SVIL: variants seen among roughly 807,000 people sequenced by gnomAD.
SVIL encodes archvillin.
Under a neutral mutation model 240.4 loss-of-function variants are expected in SVIL, and 101 were observed. The observed-to-expected ratio is 0.42, with a 90% CI of 0.36 to 0.50. The LOEUF (loss-of-function observed/expected upper bound fraction) is 0.50, where lower values mean the gene tolerates loss of function less well. Among genes scored for constraint, SVIL ranks in the 20% least tolerant of loss-of-function variants. The pLI, the probability that SVIL is intolerant of heterozygous loss-of-function variation, is 0.01. For synonymous variants in SVIL, 999 were observed against 1,100.0 expected (o/e 0.91, Z 1.82); for missense variants, 2,512 against 2,818.7 (o/e 0.89, Z 2.46).
intron 3 of SVIL, among the ~76,000 whole-genome samples, chr10:29,652,311 C>A (rs962329409): frequency 2.6e-5 from 4 of 152,128 alleles, no homozygotes; most frequent in African/African-American, 9.7e-5. Context: ...AGTTTGTGTT[C>A]TTTGGTGTCT....
Position 29,530,591 on chromosome 10 carries a change from C to G in SVIL, c.2106+16G>C. Reference sequence around the variant, plus strand: ...CCCAGTAGGGATCTCTATTCAAGCACGTCAGCACAGCTTACCCTGAAAAGC... The same window carrying G: ...CCCAGTAGGGATCTCTATTCAAGCAGGTCAGCACAGCTTACCCTGAAAAGC... On this transcript the variant is annotated intron_variant, in intron 11 of 37. Coordinates refer to ENST00000355867, the MANE Select transcript of SVIL (RefSeq NM_021738.3). The G allele has an allele frequency of 6.2e-7, 1 of 1,614,002 alleles. No individual in the cohort carries two copies. The highest frequency in any genetic ancestry group is 1.1e-5 in the South Asian group (1 of 91,082).
At chr10:29,558,569 C>T (rs1481574979) in intron 3 of SVIL, among the ~76,000 whole-genome samples, 1 of 151,878 alleles carries the variant, frequency 6.6e-6, no homozygotes, top group East Asian at 1.9e-4. Context: ...CTCTTTTCCC[C>T]ATGTCTGTAC....
chr10:29,656,463 T>C (rs1223841019), intron 3 of SVIL, among the ~76,000 whole-genome samples: 1 of 151,968 alleles, frequency 6.6e-6, no homozygotes, highest in South Asian at 2.1e-4. Flanking sequence ...ATAGCTTTTT[T>C]TTTTAAAAAA....
intron 1 of SVIL, among the ~76,000 whole-genome samples, chr10:29,605,781 T>C (rs1956998721): frequency 6.6e-6 from 1 of 150,494 alleles, no homozygotes; most frequent in African/African-American, 2.4e-5. Context: ...TGTGTGTTTG[T>C]GTAGAGAGAG....
intron 1 of SVIL, among the ~76,000 whole-genome samples, chr10:29,694,817 T>C (rs1188307955): frequency 6.6e-6 from 1 of 152,104 alleles, no homozygotes; most frequent in African/African-American, 2.4e-5. Flanking sequence ...AACTTGGAAT[T>C]TATAGGAAAG....
At position 29,723,185 on chromosome 10, in the gene SVIL, T is replaced by C. The variant is rs1589580865; in HGVS notation, c.-400+12566A>G. Among the ~76,000 whole-genome samples, 2 of 152,270 alleles carry C rather than the reference T, an allele frequency of 1.3e-5. 1 individual carries two copies. The highest frequency in any genetic ancestry group is 2.9e-5 in the Non-Finnish European group (2 of 68,030). On this transcript the variant is annotated intron_variant, in intron 1 of 35. Coordinates refer to the SVIL transcript ENST00000375400. ...AGGAATTTGAGACCAGCCTGAGCAA[T>C]ATAGTGAGACCTTGTCTCTTCAAAA...
At chr10:29,630,334 A>G (rs1258104977) in intron 1 of SVIL, among the ~76,000 whole-genome samples, 1 of 152,200 alleles carries the variant, frequency 6.6e-6, no homozygotes, top group Non-Finnish European at 1.5e-5. Flanking sequence ...CCAGTTAGAC[A>G]TAGGTTATAA....
intron 2 of SVIL, among the ~76,000 whole-genome samples, chr10:29,673,680 CG>C (rs1564752074): frequency 6.6e-6 from 1 of 152,036 alleles, no homozygotes. Context: ...CTCACTATCA[CG>C]AGAACAGCAT....
chr10:29,514,102 G>C (rs1310236451), intron 16 of SVIL, among the ~76,000 whole-genome samples: 1 of 152,032 alleles, frequency 6.6e-6, no homozygotes, highest in Non-Finnish European at 1.5e-5. Context: ...GACCTGATGG[G>C]CCAGGTCTTA....
chr10:29,622,236 T>C (rs1452389731), intron 1 of SVIL, among the ~76,000 whole-genome samples: 3 of 102,134 alleles, frequency 2.9e-5, no homozygotes, highest in African/African-American at 4.0e-5. Context: ...GGCGACAGAG[T>C]GAGACTCCGT....
chr10:29,505,393 T>C (rs1224832215), intron 17 of SVIL, among the ~76,000 whole-genome samples: 1 of 152,066 alleles, frequency 6.6e-6, no homozygotes, highest in Non-Finnish European at 1.5e-5. Context: ...AGAGGAATCG[T>C]AAATGCATAT....
chr10:29,618,729 T>C (rs1774385130), intron 1 of SVIL, among the ~76,000 whole-genome samples: 1 of 152,166 alleles, frequency 6.6e-6, no homozygotes, highest in Admixed American at 6.5e-5. Context: ...CAGATTTTTT[T>C]TTTTTTTTGA....
intron 6 of SVIL, among the ~76,000 whole-genome samples, chr10:29,538,972 G>C (rs970827244): frequency 8.5e-5 from 13 of 152,072 alleles, no homozygotes; most frequent in Middle Eastern, 3.2e-3. Context: ...GAGCCAGCCT[G>C]AGCAACATAG....
chr10:29,730,242 C>T (rs1964542209), intron 1 of SVIL, among the ~76,000 whole-genome samples: 1 of 152,108 alleles, frequency 6.6e-6, no homozygotes, highest in Non-Finnish European at 1.5e-5. Context: ...AAGAAATGTA[C>T]TAAGGAAGGG....
At chr10:29,463,690 A>G in intron 34 of SVIL, 55 bp from the exon 35 acceptor site, 1 of 1,589,064 alleles carries the variant, frequency 6.3e-7, no homozygotes, top group East Asian at 2.2e-5. Context: ...GGACACTTCT[A>G]GCTCACTCCT....
chr10:29,676,559 C>A (rs1303515376), intron 2 of SVIL, among the ~76,000 whole-genome samples: 1 of 152,148 alleles, frequency 6.6e-6, no homozygotes, highest in African/African-American at 2.4e-5. Context: ...CAGAGGTTTG[C>A]AGAGATTTCC....
At position 29,554,911 on chromosome 10, in the gene SVIL, A is replaced by C; in HGVS notation, c.32T>G (p.Leu11Arg). The change falls in exon 5 of 38, where the codon CTG becomes CGG. Residue 11 changes from leucine (L) to arginine (R), a missense_variant. Physicochemically the swap from Leu to Arg is moderately radical, Grantham distance 102. Around this residue, in one of 3 missense-constraint regions of SVIL, gnomAD observed 1,443 missense variants for 1,486.6 expected, o/e 0.97. Coordinates refer to ENST00000355867, the MANE Select transcript of SVIL (RefSeq NM_021738.3). ...CTGAGTGTCATTTTCAATCCCTTCCAGGCGCCTGGCAATTCTTTCTTTTCT... is the reference window on the plus strand; with the variant it reads ...CTGAGTGTCATTTTCAATCCCTTCCCGGCGCCTGGCAATTCTTTCTTTTCT... Reference protein sequence around the residue: MKRKERIARRLEGIENDTQPI... With the variant: MKRKERIARRREGIENDTQPI... 1.2e-6 allele frequency: 2 copies of C among 1,612,106 alleles called. No homozygotes were observed. Among genetic ancestry groups the C allele is most frequent in the Admixed American group, 1.7e-5 (1 of 59,580 alleles).
At chr10:29,515,796 CAGCACCT>C (rs1436217088) in intron 16 of SVIL, among the ~76,000 whole-genome samples, 1 of 152,166 alleles carries the variant, frequency 6.6e-6, no homozygotes, top group Non-Finnish European at 1.5e-5. Context: ...GCAAGGACAC[CAGCACCT>C]ATGTCATCGG....
At chr10:29,541,073 C>T (rs1336859743) in intron 6 of SVIL, among the ~76,000 whole-genome samples, 1 of 152,150 alleles carries the variant, frequency 6.6e-6, no homozygotes, top group Admixed American at 6.5e-5. Flanking sequence ...AAAACATGAA[C>T]AAAAAGAGAG....
Sources: allele counts gnomAD v4.1 joint callset (sites outside exome capture counted in the v4.1 genomes callset), GRCh38; gene constraint gnomAD v4.1.1; regional missense constraint gnomAD v4.1.1; transcripts MANE v1.5; gene names NCBI Gene and HGNC (gene_info 2026-07-23, HGNC 2026-07-21).